The following FGGY variants were observed in gnomAD, a reference collection of about 807,000 sequenced individuals.
FGGY encodes FGGY carbohydrate kinase domain containing.
Under a neutral mutation model 71.3 loss-of-function variants are expected in FGGY, and 72 were observed. That is an observed-to-expected ratio of 1.01 (90% CI 0.84 to 1.23). FGGY has a LOEUF of 1.23. FGGY is among the 50% of genes most tolerant of loss of function. FGGY has a pLI of 0.00. For synonymous variants in FGGY, 251 were observed against 250.3 expected, an observed-to-expected ratio of 1.00 and a Z score of -0.02; for missense variants, 668 against 682.3, an observed-to-expected ratio of 0.98 and a Z score of 0.23.
intron 8 of FGGY, among the ~76,000 whole-genome samples, chr1:59,591,469 C>A (rs2096435251): frequency 6.6e-6 from 1 of 151,746 alleles, no homozygotes; most frequent in Non-Finnish European, 1.5e-5. Flanking sequence ...CAAAAAAGAG[C>A]CCGCATCGCC....
At chr1:59,745,259 G>A (rs913609000) in intron 14 of FGGY, among the ~76,000 whole-genome samples, 3 of 152,134 alleles carry the variant, frequency 2.0e-5, no homozygotes, top group Non-Finnish European at 2.9e-5. Context: ...AATGGCTCTC[G>A]CTTAGAAGAA....
At chr1:59,319,419 G>A (rs2045993760) in intron 1 of FGGY, among the ~76,000 whole-genome samples, 1 of 152,118 alleles carries the variant, frequency 6.6e-6, no homozygotes, top group Non-Finnish European at 1.5e-5. Context: ...GATTCAGTTA[G>A]GAAGACAGAC....
At chr1:59,503,027 AC>A (rs2094275953) in intron 6 of FGGY, among the ~76,000 whole-genome samples, 1 of 152,146 alleles carries the variant, frequency 6.6e-6, no homozygotes, top group Admixed American at 6.5e-5. Context: ...GCCCTCTCTA[AC>A]CTACATGGTA....
intron 14 of FGGY, among the ~76,000 whole-genome samples, chr1:59,712,722 T>C (rs1201092190): frequency 2.6e-5 from 4 of 152,158 alleles, no homozygotes; most frequent in Admixed American, 6.5e-5. Context: ...AGTCCTAGGC[T>C]GCACACATCA....
intron 11 of FGGY, among the ~76,000 whole-genome samples, chr1:59,648,219 G>A (rs1251032488): frequency 9.9e-6 from 1 of 100,774 alleles, no homozygotes; most frequent in African/African-American, 4.8e-5. Context: ...ATGTGTGCAT[G>A]TGTCTTTATA....
intron 4 of FGGY, among the ~76,000 whole-genome samples, chr1:59,359,737 A>C (rs981458033): frequency 6.6e-6 from 1 of 152,172 alleles, no homozygotes; most frequent in Admixed American, 6.5e-5. Flanking sequence ...TTTAGTAATA[A>C]AAACAAGCTT....
At chr1:59,707,720 C>T (rs1213755373) in intron 14 of FGGY, among the ~76,000 whole-genome samples, 1 of 152,088 alleles carries the variant, frequency 6.6e-6, no homozygotes, top group African/African-American at 2.4e-5. Context: ...TAGTCACAGC[C>T]CATTCAAATG....
chr1:59,481,580 A>C (rs962676591), intron 6 of FGGY, among the ~76,000 whole-genome samples: 1 of 152,188 alleles, frequency 6.6e-6, no homozygotes, highest in Non-Finnish European at 1.5e-5. Flanking sequence ...GTTTTGTAAA[A>C]ATGAATCACC....
At chr1:59,432,428 G>T (rs2153461835) in intron 5 of FGGY, among the ~76,000 whole-genome samples, 1 of 152,280 alleles carries the variant, frequency 6.6e-6, no homozygotes, top group East Asian at 1.9e-4. Context: ...TCTGAAATGG[G>T]AGCAGTCTTG....
chr1:59,674,013 C>T, intron 13 of FGGY, 26 bp from the exon 14 acceptor site: 3 of 1,606,596 alleles, frequency 1.9e-6, no homozygotes, highest in South Asian at 1.1e-5. Context: ...TGCTCCCTAA[C>T]CAAGGTGTGG....
intron 7 of FGGY, among the ~76,000 whole-genome samples, chr1:59,537,269 A>G (rs1224534059): frequency 2.6e-5 from 4 of 152,114 alleles, no homozygotes; most frequent in African/African-American, 7.2e-5. Context: ...AGAATAAAAT[A>G]GCTAGGAATC....
upstream of FGGY, among the ~76,000 whole-genome samples, chr1:59,296,435 G>C (rs1031875373): frequency 2.6e-5 from 4 of 152,246 alleles, no homozygotes; most frequent in African/African-American, 9.6e-5. Context: ...GGGCTGCGGA[G>C]AGTCCGCCTG....
chr1:59,524,111 G>C (rs1033625013), intron 7 of FGGY, among the ~76,000 whole-genome samples: 4 of 152,354 alleles, frequency 2.6e-5, no homozygotes, highest in Middle Eastern at 3.4e-3. Flanking sequence ...CTACTCCCTG[G>C]CCTCTTCCCA....
At chr1:59,383,465 T>C (rs2059719702) in intron 5 of FGGY, among the ~76,000 whole-genome samples, 1 of 152,122 alleles carries the variant, frequency 6.6e-6, no homozygotes, top group Non-Finnish European at 1.5e-5. Flanking sequence ...ATGGACCCCT[T>C]CTCTTGGCCA....
chr1:59,758,145 C>T (rs762772867), intron 15 of FGGY, among the ~76,000 whole-genome samples, 153 bp downstream of exon 15: 2 of 152,196 alleles, frequency 1.3e-5, no homozygotes, highest in Non-Finnish European at 2.9e-5. Flanking sequence ...GTAATGTCAC[C>T]TTCACTTACC....
intron 7 of FGGY, among the ~76,000 whole-genome samples, chr1:59,550,723 G>A (rs2095595897): frequency 6.6e-6 from 1 of 152,108 alleles, no homozygotes; most frequent in Non-Finnish European, 1.5e-5. Context: ...TTAGCCCATG[G>A]CTCTCACTGA....
intron 5 of FGGY, among the ~76,000 whole-genome samples, chr1:59,427,988 T>A (rs1045985964): frequency 2.6e-5 from 4 of 152,210 alleles, no homozygotes; most frequent in Admixed American, 1.3e-4. Context: ...TGGAAGTTGC[T>A]GTCCAGAGTA....
intron 11 of FGGY, among the ~76,000 whole-genome samples, chr1:59,639,009 C>T (rs779324377): frequency 2.6e-5 from 4 of 152,152 alleles, no homozygotes; most frequent in Non-Finnish European, 5.9e-5. Flanking sequence ...ACATCTTAGA[C>T]ACCAGGAGAA....
At chr1:59,683,889 T>C (rs920976583) in intron 14 of FGGY, among the ~76,000 whole-genome samples, 1 of 152,232 alleles carries the variant, frequency 6.6e-6, no homozygotes, top group Non-Finnish European at 1.5e-5. Context: ...TGGCTTGTTT[T>C]TGCCCCCATT....
Sources: gnomAD v4.1 joint callset for allele counts (sites outside exome capture counted in the v4.1 genomes callset) on GRCh38, gnomAD v4.1.1 for gene constraint, MANE v1.5 for transcripts, NCBI Gene and HGNC (gene_info 2026-07-23, HGNC 2026-07-21) for gene names.